ADAM9: variants seen among roughly 807,000 people sequenced by gnomAD.
ADAM9 encodes the protein ADAM metallopeptidase domain 9.
A neutral mutation model predicts 108.1 loss-of-function variants in ADAM9; 54 were observed. The ratio of observed to expected loss-of-function variants is 0.50; its 90% CI spans 0.40 to 0.63. ADAM9 has a LOEUF of 0.63. Ranked by LOEUF, ADAM9 falls within the 20% of genes least tolerant of loss-of-function variation. The pLI is 0.00. For missense variants in ADAM9, 830 were observed against 997.7 expected (o/e 0.83, Z 2.26); for synonymous variants, 316 against 336.0 (o/e 0.94, Z 0.65).
chr8:39,059,264 T>C (rs1276303162), intron 14 of ADAM9, among the ~76,000 whole-genome samples: 1 of 152,250 alleles, frequency 6.6e-6, no homozygotes, highest in Non-Finnish European at 1.5e-5. Flanking sequence ...TACGTGTGTC[T>C]GTCCCAGTAA....
chr8:39,000,593 C>T, intron 1 of ADAM9, among the ~76,000 whole-genome samples: 1 of 151,970 alleles, frequency 6.6e-6, no homozygotes, highest in East Asian at 1.9e-4. Context: ...TCCTGAGTAG[C>T]TGGGACTGCA....
chr8:39,067,792 G>A (rs1588405658), intron 14 of ADAM9, among the ~76,000 whole-genome samples: 2 of 152,202 alleles, frequency 1.3e-5, no homozygotes, highest in Admixed American at 6.5e-5. Context: ...TTGAATAGGA[G>A]TGGTGAGAGA....
At chr8:39,051,343 G>C (rs548613224) in intron 12 of ADAM9, among the ~76,000 whole-genome samples, 2 of 152,296 alleles carry the variant, frequency 1.3e-5, no homozygotes, top group Admixed American at 1.3e-4. Flanking sequence ...ACTGGTTTCA[G>C]TGTGGCTGGT....
At chr8:39,090,843 A>G (rs1202710693) in intron 19 of ADAM9, among the ~76,000 whole-genome samples, 3 of 152,218 alleles carry the variant, frequency 2.0e-5, no homozygotes, top group African/African-American at 7.2e-5. Flanking sequence ...ATTTGCTGTC[A>G]CTTCAGCATG....
At chr8:39,011,442 G>A (rs766166946) in intron 2 of ADAM9, among the ~76,000 whole-genome samples, 3 of 152,132 alleles carry the variant, frequency 2.0e-5, no homozygotes, top group Non-Finnish European at 4.4e-5. Context: ...TAGACATGGG[G>A]TTATTTTCCA....
Position 39,045,166 on chromosome 8 carries a change from A to ATG in ADAM9, c.1302+3050_1302+3051insGT, listed in dbSNP as rs1837639643. Among the ~76,000 whole-genome samples, 15 of 114,682 alleles carry ATG rather than the reference A, an allele frequency of 1.3e-4. 1 individual carries two copies. The highest frequency in any genetic ancestry group is 4.7e-4 in the African/African-American group (15 of 31,682). The allele number at this position is 114,682 out of a possible 152,430, so 75.2% of individuals were successfully genotyped here. A position where few individuals can be genotyped will look rare whatever the true frequency, so the allele number is the denominator to read the frequency against. ...TGTGTATATATGTGTATACATACAT[A>ATG]TATGTGTATATATGTGTATACATAC... On this transcript the variant is annotated intron_variant, in intron 12 of 21. Coordinates refer to ENST00000487273, the MANE Select transcript of ADAM9 (RefSeq NM_003816.3).
At chr8:39,038,692 A>G (rs563180230) in intron 11 of ADAM9, among the ~76,000 whole-genome samples, 1 of 152,350 alleles carries the variant, frequency 6.6e-6, no homozygotes, top group Admixed American at 6.5e-5. Flanking sequence ...ATAGATATTC[A>G]GTAAATATTT....
At chr8:39,026,022 G>T in intron 10 of ADAM9, 138 bp downstream of exon 10, 1 of 825,614 alleles carries the variant, frequency 1.2e-6, no homozygotes, top group Non-Finnish European at 2.0e-6. Flanking sequence ...TCGCAGATGG[G>T]TTCTTTCCCC....
intron 1 of ADAM9, among the ~76,000 whole-genome samples, chr8:38,998,479 G>T (rs1024846610): frequency 4.6e-5 from 7 of 152,166 alleles, no homozygotes; most frequent in Admixed American, 4.6e-4. Context: ...ACCTGCATTA[G>T]GTGAGTGGAA....
At position 39,104,654 on chromosome 8, in the gene ADAM9, A is replaced by T. The variant is rs368056753; in HGVS notation, c.*954A>T. 1,554 of 450,756 alleles carry T rather than the reference A, an allele frequency of 3.4e-3. 16 individuals carry two copies. Among genetic ancestry groups the T allele is most frequent in the South Asian group, 0.012 (731 of 63,130 alleles). 27.9% of individuals were successfully genotyped at this position (450,756 alleles called of 1,614,324 possible). ...CTATTAAATCATTTAGAATGTTTAC[A>T]TTTACTAAGGTGTGCTGGGTCATGT... On this transcript the variant is annotated 3_prime_UTR_variant, in exon 22 of 22. Transcript: ENST00000487273.
chr8:39,103,302 T>C (rs909340798), intron 21 of ADAM9, among the ~76,000 whole-genome samples: 8 of 152,202 alleles, frequency 5.3e-5, no homozygotes, highest in Non-Finnish European at 1.0e-4. Context: ...TGTACTCACT[T>C]GTCTTTTACA....
At chr8:39,022,964 C>T (rs532647063) in intron 8 of ADAM9, among the ~76,000 whole-genome samples, 192 bp from the exon 9 acceptor site, 76 of 152,222 alleles carry the variant, frequency 5.0e-4, no homozygotes, top group African/African-American at 1.2e-3. Context: ...CCAACTGCCT[C>T]GGCCTCCCAA....
At chr8:39,007,723 G>C (rs1371970914) in intron 1 of ADAM9, among the ~76,000 whole-genome samples, 163 bp from the exon 2 acceptor site, 8 of 152,146 alleles carry the variant, frequency 5.3e-5, no homozygotes, top group African/African-American at 1.7e-4. Flanking sequence ...CTATTTTCAT[G>C]TATTAATACA....
chr8:39,019,002 T>G lies in ADAM9; in HGVS notation c.672+84T>G, dbSNP rs1836645019. ...TAATGAAGGAAATCTAAACTACACATTGTTTGTATTGATTTTACTTAAATA... is the reference window on the plus strand; with the variant it reads ...TAATGAAGGAAATCTAAACTACACAGTGTTTGTATTGATTTTACTTAAATA... On this transcript the variant is annotated intron_variant, in intron 7 of 21. Transcript: ENST00000487273. 2.1e-5 allele frequency: 27 copies of G among 1,261,594 alleles called. No individual in the cohort carries two copies. The South Asian group carries it at 2.8e-4, about 13-fold the overall frequency. 78.1% of individuals were successfully genotyped at this position (1,261,594 alleles called of 1,614,324 possible). A position where few individuals can be genotyped will look rare whatever the true frequency, so the allele number is the denominator to read the frequency against.
intron 12 of ADAM9, among the ~76,000 whole-genome samples, chr8:39,044,435 G>T (rs962987634): frequency 6.6e-6 from 1 of 151,952 alleles, no homozygotes; most frequent in Non-Finnish European, 1.5e-5. Context: ...CTGTTCCATT[G>T]GTCTATATGT....
intron 12 of ADAM9, among the ~76,000 whole-genome samples, chr8:39,051,637 G>A (rs73674693): frequency 0.024 from 3,712 of 152,172 alleles, 172 homozygotes; most frequent in African/African-American, 0.085. Flanking sequence ...CTCCCATTTT[G>A]GTGATGCCAC....
At chr8:39,065,608 C>T (rs1288423055) in intron 14 of ADAM9, among the ~76,000 whole-genome samples, 13 of 141,036 alleles carry the variant, frequency 9.2e-5, no homozygotes, top group Admixed American at 6.2e-4. Flanking sequence ...TGCAGTGAGC[C>T]GAGATCGCAC....
At position 39,045,303 on chromosome 8, in the gene ADAM9, CATGTGTGTGTACACCTAT is replaced by C. The variant is rs768282105; in HGVS notation, c.1302+3188_1302+3205del. ...ATGTATATGTGTGTGTACACCTATA[CATGTGTGTGTACACCTAT>C]ACATGTGTGTGTACACCTATACATG... On this transcript the variant is annotated intron_variant, in intron 12 of 21. Coordinates refer to ENST00000487273, the MANE Select transcript of ADAM9 (RefSeq NM_003816.3). Among the ~76,000 whole-genome samples the C allele has an allele frequency of 1.7e-3, 172 of 102,090 alleles. 26 individuals carry two copies. Among genetic ancestry groups the C allele is most frequent in the Non-Finnish European group, 2.0e-3 (99 of 48,474 alleles). The allele number at this position is 102,090 out of a possible 152,430, so 67.0% of individuals were successfully genotyped here.
At chr8:39,013,444 T>A (rs1836422776) in intron 3 of ADAM9, among the ~76,000 whole-genome samples, 1 of 151,990 alleles carries the variant, frequency 6.6e-6, no homozygotes. Context: ...TAAATATTAT[T>A]TATGAATAAG....
Sources: gnomAD v4.1 joint callset for allele counts (sites outside exome capture counted in the v4.1 genomes callset) on GRCh38, gnomAD v4.1.1 for gene constraint, MANE v1.5 for transcripts, NCBI Gene and HGNC (gene_info 2026-07-23, HGNC 2026-07-21) for gene names.